The following HS6ST3 variants were observed in gnomAD, a reference collection of about 807,000 sequenced individuals.
HS6ST3 encodes the protein heparan-sulfate 6-O-sulfotransferase 3.
Under a neutral mutation model 36.7 loss-of-function variants are expected in HS6ST3, and 12 were observed. That is an observed-to-expected ratio of 0.33 (90% CI 0.21 to 0.53). The LOEUF is 0.53. HS6ST3 is among the 20% of genes least tolerant of loss of function. The probability of loss-of-function intolerance (pLI) is 0.95; values close to 1 mark genes in which losing one functional copy is unlikely to be tolerated. For missense variants in HS6ST3, 584 were observed against 640.9 expected, an observed-to-expected ratio of 0.91 and a Z score of 0.96; for synonymous variants, 240 against 257.5, an observed-to-expected ratio of 0.93 and a Z score of 0.65.
intron 1 of HS6ST3, among the ~76,000 whole-genome samples, chr13:96,494,945 T>G (rs1284104174): frequency 6.6e-6 from 1 of 152,208 alleles, no homozygotes; most frequent in South Asian, 2.1e-4. Flanking sequence ...GTTTTTGCCC[T>G]TGGGACAAAT....
At chr13:96,282,276 A>G (rs1258983313) in intron 1 of HS6ST3, among the ~76,000 whole-genome samples, 9 of 152,196 alleles carry the variant, frequency 5.9e-5, no homozygotes. Flanking sequence ...GTCAGTAGCC[A>G]GGAAGTCTGG....
chr13:96,134,707 T>A (rs1310488443), intron 1 of HS6ST3, among the ~76,000 whole-genome samples: 1 of 152,202 alleles, frequency 6.6e-6, no homozygotes, highest in East Asian at 1.9e-4. Context: ...GCCTCTGTAG[T>A]CTTGGATGTT....
rs147193899 is a variant in HS6ST3 at position 96,729,838 on chromosome 13, C to T, written c.708-102652C>T. On this transcript the variant is annotated intron_variant, in intron 1 of 1. Coordinates refer to ENST00000376705, the MANE Select transcript of HS6ST3 (RefSeq NM_153456.4). ...ACTTACACTTTCTATACTCAAAACA[C>T]CACAAAATATTATTAGTTCATTTGG... is the stretch of plus-strand genomic sequence containing the variant. Among the ~76,000 whole-genome samples the T allele has an allele frequency of 1.2e-4, 18 of 152,254 alleles. 1 individual carries two copies. In the East Asian group the frequency reaches 3.3e-3, roughly 28 times the overall value.
At chr13:96,107,653 C>A (rs1363270440) in intron 1 of HS6ST3, among the ~76,000 whole-genome samples, 1 of 152,010 alleles carries the variant, frequency 6.6e-6, no homozygotes, top group East Asian at 1.9e-4. Flanking sequence ...GTCAGGGACC[C>A]CAAATAGAGG....
At chr13:96,537,353 G>A (rs1482833566) in intron 1 of HS6ST3, among the ~76,000 whole-genome samples, 1 of 152,158 alleles carries the variant, frequency 6.6e-6, no homozygotes, top group Non-Finnish European at 1.5e-5. Context: ...AATTATGGGA[G>A]CTACAATTCA....
At chr13:96,826,565 A>G (rs932288893) in intron 1 of HS6ST3, among the ~76,000 whole-genome samples, 1 of 152,168 alleles carries the variant, frequency 6.6e-6, no homozygotes, top group Non-Finnish European at 1.5e-5. Flanking sequence ...AAGTGCAGTA[A>G]GTGATGCAGT....
chr13:96,514,060 A>G (rs765399500), intron 1 of HS6ST3, among the ~76,000 whole-genome samples: 4 of 152,102 alleles, frequency 2.6e-5, no homozygotes, highest in Non-Finnish European at 5.9e-5. Flanking sequence ...CAGTGCGATG[A>G]GAAGCAGTAG....
intron 1 of HS6ST3, among the ~76,000 whole-genome samples, chr13:96,487,468 G>T (rs1021112955): frequency 3.3e-5 from 5 of 152,096 alleles, no homozygotes; most frequent in Admixed American, 3.3e-4. Context: ...ATTTCTAAAT[G>T]TGACATTCCT....
intron 1 of HS6ST3, among the ~76,000 whole-genome samples, chr13:96,574,661 T>A (rs998579584): frequency 2.6e-5 from 4 of 152,160 alleles, no homozygotes; most frequent in Non-Finnish European, 4.4e-5. Context: ...TGAGGGGTGG[T>A]AGGTTACATT....
At chr13:96,267,876 T>G (rs900651507) in intron 1 of HS6ST3, among the ~76,000 whole-genome samples, 1 of 151,862 alleles carries the variant, frequency 6.6e-6, no homozygotes, top group Non-Finnish European at 1.5e-5. Flanking sequence ...GAGGATCTTG[T>G]TGATAGGAAG....
chr13:96,091,702 G>A, intron 1 of HS6ST3, 133 bp downstream of exon 1: 1 of 1,259,106 alleles, frequency 7.9e-7, no homozygotes, highest in Admixed American at 2.7e-5. Flanking sequence ...TGGCGCCGTG[G>A]CTTTGGGGAG....
chr13:96,530,554 G>C (rs1367128331), intron 1 of HS6ST3, among the ~76,000 whole-genome samples: 1 of 148,908 alleles, frequency 6.7e-6, no homozygotes, highest in African/African-American at 2.5e-5. Context: ...CCAGGCTTGA[G>C]TGTGGTAGAT....
chr13:96,129,545 T>C (rs1018935667), intron 1 of HS6ST3, among the ~76,000 whole-genome samples: 1 of 152,220 alleles, frequency 6.6e-6, no homozygotes, highest in African/African-American at 2.4e-5. Context: ...CCAAGAATGA[T>C]TGGGAACCAG....
intron 1 of HS6ST3, among the ~76,000 whole-genome samples, chr13:96,503,664 G>A (rs913226366): frequency 2.0e-5 from 3 of 152,104 alleles, no homozygotes; most frequent in African/African-American, 7.2e-5. Flanking sequence ...TGACAGGGGT[G>A]GAGGGAGTTT....
intron 1 of HS6ST3, among the ~76,000 whole-genome samples, chr13:96,740,277 G>A (rs903769312): frequency 3.9e-5 from 6 of 152,114 alleles, no homozygotes; most frequent in Non-Finnish European, 8.8e-5. Flanking sequence ...TTGTTGAAAA[G>A]GCTGTTGGTT....
chr13:96,441,441 C>A (rs2139480403), intron 1 of HS6ST3, among the ~76,000 whole-genome samples: 1 of 152,138 alleles, frequency 6.6e-6, no homozygotes, highest in Non-Finnish European at 1.5e-5. Context: ...TCGAATTGGC[C>A]TTTTGACAAG....
intron 1 of HS6ST3, among the ~76,000 whole-genome samples, chr13:96,137,032 A>T (rs2054005775): frequency 6.6e-6 from 1 of 152,246 alleles, no homozygotes; most frequent in African/African-American, 2.4e-5. Flanking sequence ...TTCCTTAATG[A>T]AATATAACTA....
intron 1 of HS6ST3, among the ~76,000 whole-genome samples, chr13:96,688,150 A>G (rs1052657834): frequency 2.0e-5 from 3 of 150,800 alleles, no homozygotes; most frequent in Non-Finnish European, 4.4e-5. Flanking sequence ...GCACACCAAC[A>G]TGGCACATGT....
In HS6ST3 at chr13:96,835,067, T is replaced by C. The variant is rs1240902448; in HGVS notation, c.*1869T>C. The C allele has an allele frequency of 2.0e-5, 3 of 152,242 alleles. No individual in the cohort carries two copies. Among genetic ancestry groups the C allele is most frequent in the Admixed American group, 6.5e-5 (1 of 15,284 alleles). The allele number at this position is 152,242 out of a possible 1,614,324, so 9.4% of individuals were successfully genotyped here. On this transcript the variant is annotated 3_prime_UTR_variant, in exon 2 of 2. Transcript: ENST00000376705. ...AGAAAATAAGTAGCTCCTCCACAGG[T>C]TGTAAGCTAGGTCTAGCTGACTGCA...
Sources: allele counts gnomAD v4.1 joint callset (sites outside exome capture counted in the v4.1 genomes callset), GRCh38; gene constraint gnomAD v4.1.1; transcripts MANE v1.5; gene names NCBI Gene and HGNC (gene_info 2026-07-23, HGNC 2026-07-21).